TENM2: variants seen among roughly 807,000 people sequenced by gnomAD.
TENM2 encodes teneurin-2.
Under a neutral mutation model 245.2 loss-of-function variants are expected in TENM2, and 52 were observed. That is an observed-to-expected ratio of 0.21 (90% CI 0.17 to 0.27). TENM2 has a LOEUF of 0.27. Ranked by LOEUF, TENM2 falls within the 10% of genes least tolerant of loss-of-function variation. The probability of loss-of-function intolerance (pLI) is 1.00; values close to 1 mark genes in which losing one functional copy is unlikely to be tolerated. For missense variants in TENM2, 3,046 were observed against 3,666.8 expected, an observed-to-expected ratio of 0.83 and a Z score of 4.37; for synonymous variants, 1,363 against 1,438.9, an observed-to-expected ratio of 0.95 and a Z score of 1.19.
chr5:167,448,185 A>C (rs1055173038), intron 2 of TENM2, among the ~76,000 whole-genome samples: 1 of 152,000 alleles, frequency 6.6e-6, no homozygotes, highest in Non-Finnish European at 1.5e-5. Flanking sequence ...CCCCACCCCT[A>C]CTGGCTGCAT....
At chr5:167,307,086 G>T (rs1020126516) in intron 1 of TENM2, among the ~76,000 whole-genome samples, 2 of 152,200 alleles carry the variant, frequency 1.3e-5, no homozygotes, top group East Asian at 3.9e-4. Context: ...ACACTGGCCA[G>T]AGGGAAGAAA....
At chr5:167,949,559 A>T (rs1779915587) in intron 3 of TENM2, among the ~76,000 whole-genome samples, 1 of 152,150 alleles carries the variant, frequency 6.6e-6, no homozygotes, top group African/African-American at 2.4e-5. Context: ...CATGCTTAGC[A>T]CTTTACATTC....
At chr5:167,706,037 A>G (rs923425504) in intron 2 of TENM2, among the ~76,000 whole-genome samples, 18 of 144,596 alleles carry the variant, frequency 1.2e-4, no homozygotes, top group Non-Finnish European at 2.4e-4. Context: ...TATTATATAT[A>G]TTTATATTAT....
At chr5:167,461,480 G>A (rs1766286698) in intron 2 of TENM2, among the ~76,000 whole-genome samples, 1 of 152,118 alleles carries the variant, frequency 6.6e-6, no homozygotes, top group African/African-American at 2.4e-5. Context: ...TGAAGTCACT[G>A]TTGATGGAGA....
the TENM2 span, among the ~76,000 whole-genome samples, chr5:167,206,115 C>T: frequency 2.0e-5 from 3 of 152,182 alleles, no homozygotes; most frequent in Non-Finnish European, 1.5e-5. Flanking sequence ...GGCCAAAGGT[C>T]GCAGAAAACA....
At chr5:167,364,005 A>G (rs1257332590) in intron 1 of TENM2, among the ~76,000 whole-genome samples, 2 of 152,100 alleles carry the variant, frequency 1.3e-5, no homozygotes, top group African/African-American at 4.8e-5. Flanking sequence ...TTAAAGAAAT[A>G]ATAAGAGTAA....
intron 2 of TENM2, among the ~76,000 whole-genome samples, chr5:167,774,776 T>G (rs902216569): frequency 6.6e-6 from 1 of 152,142 alleles, no homozygotes; most frequent in Admixed American, 6.6e-5. Context: ...AGTAGGAATT[T>G]CGAGGACTGT....
the TENM2 span, among the ~76,000 whole-genome samples, chr5:167,135,432 T>G: frequency 1.3e-5 from 2 of 152,184 alleles, no homozygotes; most frequent in Non-Finnish European, 2.9e-5. Flanking sequence ...AAGTCCTTTC[T>G]TCTTCCATTT....
At chr5:168,054,011 A>G (rs183884405) in intron 6 of TENM2, among the ~76,000 whole-genome samples, 1 of 152,370 alleles carries the variant, frequency 6.6e-6, no homozygotes, top group African/African-American at 2.4e-5. Context: ...TTTAGCTACT[A>G]TCAATAATAG....
At position 167,855,973 on chromosome 5, in the gene TENM2, A is replaced by C. The variant is rs191984207; in HGVS notation, c.503-20013A>C. Among the ~76,000 whole-genome samples, 115 of 150,674 alleles carry C rather than the reference A, an allele frequency of 7.6e-4. No individual in the cohort carries two copies. In the Middle Eastern group the frequency reaches 0.01, roughly 13 times the overall value. On this transcript the variant is annotated intron_variant, in intron 2 of 28. Coordinates refer to ENST00000518659, the Ensembl canonical transcript of TENM2. Reference sequence around the variant, plus strand: ...ATGGAGGAAGGAGGGAAGGGAGGGAAGAAGGGAGGGATTGTTCAAGAATCT... The same window carrying C: ...ATGGAGGAAGGAGGGAAGGGAGGGACGAAGGGAGGGATTGTTCAAGAATCT...
chr5:167,229,508 G>A, the TENM2 span, among the ~76,000 whole-genome samples: 1 of 152,352 alleles, frequency 6.6e-6, no homozygotes, highest in South Asian at 2.1e-4. Flanking sequence ...CTAAGCTGAT[G>A]TTGAGGGTAA....
intron 13 of TENM2, among the ~76,000 whole-genome samples, chr5:168,180,752 A>T (rs932779977): frequency 2.6e-5 from 4 of 152,146 alleles, no homozygotes; most frequent in Non-Finnish European, 5.9e-5. Flanking sequence ...AAATAAAAAA[A>T]TTAGCTGGGC....
chr5:167,836,862 C>T (rs530221352), intron 2 of TENM2, among the ~76,000 whole-genome samples: 1 of 152,198 alleles, frequency 6.6e-6, no homozygotes, highest in East Asian at 1.9e-4. Context: ...TCAGCCGGTT[C>T]TTTGACTACT....
At chr5:167,908,231 T>C (rs749189934) in intron 3 of TENM2, among the ~76,000 whole-genome samples, 2 of 152,152 alleles carry the variant, frequency 1.3e-5, no homozygotes, top group South Asian at 2.1e-4. Context: ...CTGGAGACAA[T>C]TGGCAGGACC....
intron 2 of TENM2, among the ~76,000 whole-genome samples, chr5:167,464,994 A>G (rs975703866): frequency 2.6e-5 from 4 of 152,246 alleles, no homozygotes; most frequent in East Asian, 1.9e-4. Flanking sequence ...CAAGTTCACT[A>G]CATGACATTG....
intron 2 of TENM2, among the ~76,000 whole-genome samples, chr5:167,515,628 T>C (rs1176864299): frequency 7.0e-6 from 1 of 142,178 alleles, no homozygotes; most frequent in East Asian, 2.1e-4. Context: ...TACATATATA[T>C]ACATATATAT....
At chr5:167,956,113 T>A (rs1780537267) in intron 4 of TENM2, among the ~76,000 whole-genome samples, 1 of 152,176 alleles carries the variant, frequency 6.6e-6, no homozygotes, top group Non-Finnish European at 1.5e-5. Flanking sequence ...GCATGGAATG[T>A]TTTTCCATTT....
the TENM2 span, among the ~76,000 whole-genome samples, chr5:167,021,391 TA>T: frequency 6.6e-6 from 1 of 152,314 alleles, no homozygotes; most frequent in Non-Finnish European, 1.5e-5. Context: ...TAAAATGCTA[TA>T]AAAAACTGTG....
chr5:167,821,510 A>G (rs187579002), intron 2 of TENM2, among the ~76,000 whole-genome samples: 2 of 152,292 alleles, frequency 1.3e-5, no homozygotes, highest in African/African-American at 4.8e-5. Context: ...TGGTTTGACA[A>G]TTATGGGATG....
Sources: allele counts gnomAD v4.1 joint callset (sites outside exome capture counted in the v4.1 genomes callset), GRCh38; gene constraint gnomAD v4.1.1; transcripts MANE v1.5; gene names NCBI Gene and HGNC (gene_info 2026-07-23, HGNC 2026-07-21).